Variants in UBE3C observed in about 807,000 individuals in gnomAD.
UBE3C encodes ubiquitin protein ligase E3C, also known as ubiquitin-protein ligase E3C.
In UBE3C, 42 loss-of-function variants were observed where a neutral mutation model predicts 129.4. The observed-to-expected ratio is 0.32, with a 90% CI of 0.25 to 0.42. The LOEUF (loss-of-function observed/expected upper bound fraction) is 0.42, where lower values mean the gene tolerates loss of function less well. Ranked by LOEUF, UBE3C falls within the 10% of genes least tolerant of loss-of-function variation. UBE3C has a pLI of 1.00. For synonymous variants in UBE3C, 510 were observed against 492.4 expected (o/e 1.04, Z -0.47); for missense variants, 1,049 against 1,319.1 (o/e 0.80, Z 3.17).
intron 10 of UBE3C, among the ~76,000 whole-genome samples, chr7:157,193,278 A>G (rs1394290159): frequency 8.4e-6 from 1 of 118,996 alleles, no homozygotes; most frequent in Admixed American, 8.0e-5. Flanking sequence ...TTTTTTAAAA[A>G]GAAAAATTTC....
At chr7:157,156,528 A>C (rs1025608212) in intron 1 of UBE3C, among the ~76,000 whole-genome samples, 5 of 151,424 alleles carry the variant, frequency 3.3e-5, no homozygotes. Flanking sequence ...GCTGGTCTTG[A>C]ACTCCTAACC....
intron 17 of UBE3C, 116 bp from the exon 18 acceptor site, chr7:157,230,964 G>A (rs1486413580): frequency 1.4e-6 from 2 of 1,409,906 alleles, no homozygotes; most frequent in Non-Finnish European, 1.9e-6. Context: ...TGAGTCCTAT[G>A]TTAAAATGTC....
At position 157,243,319 on chromosome 7, in the gene UBE3C, A is replaced by G. The variant is rs147874479; in HGVS notation, c.2482-5049A>G. On this transcript the variant is annotated intron_variant, in intron 18 of 22. Transcript: ENST00000348165. ...GGTACGAGCACTGTGAGGCCTCGGC[A>G]GCTCTGCATGCTGGGGATTTGGGCA... Among the ~76,000 whole-genome samples, 626 of 152,294 alleles carry G rather than the reference A, an allele frequency of 4.1e-3. 2 individuals carry two copies. The highest frequency in any genetic ancestry group is 0.014 in the African/African-American group (586 of 41,554).
chr7:157,217,120 C>A (rs969361275), intron 14 of UBE3C, 149 bp downstream of exon 14: 3 of 577,628 alleles, frequency 5.2e-6, no homozygotes, highest in African/African-American at 1.9e-5. Context: ...CTAACTCTTA[C>A]GCCAACTTCT....
chr7:157,174,146 C>G (rs1158007458), intron 4 of UBE3C, among the ~76,000 whole-genome samples: 2 of 152,004 alleles, frequency 1.3e-5, no homozygotes, highest in African/African-American at 2.4e-5. Flanking sequence ...GTGGATCACT[C>G]GAGGCCAGGA....
At chr7:157,210,990 CT>C (rs1308414468) in intron 13 of UBE3C, among the ~76,000 whole-genome samples, 1 of 152,156 alleles carries the variant, frequency 6.6e-6, no homozygotes, top group Non-Finnish European at 1.5e-5. Context: ...ATAAACTCCT[CT>C]TGAAGTGTAA....
chr7:157,199,924 TTCC>T, intron 10 of UBE3C, among the ~76,000 whole-genome samples: 1 of 152,134 alleles, frequency 6.6e-6, no homozygotes, highest in Non-Finnish European at 1.5e-5. Context: ...AAGTAATATT[TTCC>T]AATAATATTA....
chr7:157,238,569 G>C (rs951186995), intron 18 of UBE3C, among the ~76,000 whole-genome samples: 2 of 152,190 alleles, frequency 1.3e-5, no homozygotes, highest in African/African-American at 4.8e-5. Context: ...TGCTGACTAA[G>C]CTGGGAAAGG....
intron 18 of UBE3C, among the ~76,000 whole-genome samples, chr7:157,237,720 G>C (rs1310627556): frequency 6.6e-6 from 1 of 152,130 alleles, no homozygotes; most frequent in African/African-American, 2.4e-5. Flanking sequence ...TTTATCTTTG[G>C]CTCTTATTTG....
Position 157,254,645 on chromosome 7 carries a change from C to T in UBE3C, c.2950+335C>T, listed in dbSNP as rs955780784. The stretch of plus-strand genomic sequence containing the variant: ...ACTCCTGAGCTCAAGTGATCCACCC[C>T]CCTCAGCCTCCCCAAAGTGCCAGGA... On this transcript the variant is annotated intron_variant, in intron 21 of 22. Transcript: ENST00000348165. Among the ~76,000 whole-genome samples, 5 of 152,032 alleles carry T rather than the reference C, an allele frequency of 3.3e-5. No individual in the cohort carries two copies. The South Asian group carries it at 8.3e-4, about 25-fold the overall frequency.
At chr7:157,171,668 A>G (rs1359590311) in intron 4 of UBE3C, among the ~76,000 whole-genome samples, 1 of 26,288 alleles carries the variant, frequency 3.8e-5, no homozygotes, top group African/African-American at 1.1e-4. Flanking sequence ...TTTTATATAT[A>G]TATATATATA....
chr7:157,182,099 C>T lies in UBE3C; in HGVS notation c.771-9C>T. On this transcript the variant is annotated splice_polypyrimidine_tract_variant and intron_variant, in intron 7 of 22. Transcript: ENST00000348165. ...GATTTTATAAAAAGCTTCTGTTTTT[C>T]TTTTTCAGGCAACAAGTTTTTACAG... 1 of 1,546,956 alleles carries T rather than the reference C, an allele frequency of 6.5e-7. No individual in the cohort carries two copies. Among genetic ancestry groups the T allele is most frequent in the Non-Finnish European group, 8.7e-7 (1 of 1,153,414 alleles).
chr7:157,217,878 C>T (rs537255419), intron 14 of UBE3C, among the ~76,000 whole-genome samples: 47 of 151,744 alleles, frequency 3.1e-4, no homozygotes, highest in Non-Finnish European at 5.2e-4. Context: ...AAATATTAGC[C>T]GGGCATGGTA....
chr7:157,205,559 G>A (rs1809409311), intron 11 of UBE3C, among the ~76,000 whole-genome samples: 1 of 152,138 alleles, frequency 6.6e-6, no homozygotes, highest in South Asian at 2.1e-4. Context: ...AGTTAAGGCA[G>A]CCCTGTGCCT....
rs79233199 is a variant in UBE3C, at chr7:157,166,404, T to C, written c.120+2541T>C. On this transcript the variant is annotated intron_variant, in intron 2 of 22. Transcript: ENST00000348165. ...TCCTGAATTATTTTTCTGACTTCTT[T>C]GTATTTTTCAGAATTCCCTTGTATC... Among the ~76,000 whole-genome samples, 558 of 152,352 alleles carry C rather than the reference T, an allele frequency of 3.7e-3. 13 individuals carry two copies. The East Asian group carries it at 0.063, about 17-fold the overall frequency.
chr7:157,248,174 C>T (rs915596798), intron 18 of UBE3C, among the ~76,000 whole-genome samples, 194 bp from the exon 19 acceptor site: 6 of 152,148 alleles, frequency 3.9e-5, no homozygotes, highest in African/African-American at 9.7e-5. Context: ...ATGCTTAGTG[C>T]GTGCATTGAA....
chr7:157,264,014 T>TGG (rs1182539876), intron 22 of UBE3C, among the ~76,000 whole-genome samples: 8 of 152,020 alleles, frequency 5.3e-5, no homozygotes, highest in Middle Eastern at 3.2e-3. Flanking sequence ...TTGAGTGATC[T>TGG]CCCACACCAG....
chr7:157,203,282 T>C (rs1199151175), intron 11 of UBE3C, among the ~76,000 whole-genome samples: 1 of 152,260 alleles, frequency 6.6e-6, no homozygotes, highest in African/African-American at 2.4e-5. Context: ...AAGTGAGTTA[T>C]CTTGCATCAA....
At chr7:157,229,107 T>A (rs1795954054) in intron 17 of UBE3C, among the ~76,000 whole-genome samples, 1 of 152,162 alleles carries the variant, frequency 6.6e-6, no homozygotes, top group Non-Finnish European at 1.5e-5. Context: ...TACGTGCGGT[T>A]GCTTTCCCCT....
Sources: gnomAD v4.1 joint callset for allele counts (sites outside exome capture counted in the v4.1 genomes callset) on GRCh38, gnomAD v4.1.1 for gene constraint, MANE v1.5 for transcripts, NCBI Gene and HGNC (gene_info 2026-07-23, HGNC 2026-07-21) for gene names.